The following NMT2 variants were observed in gnomAD, a reference collection of about 807,000 sequenced individuals.
NMT2 encodes the protein glycylpeptide N-tetradecanoyltransferase 2.
In NMT2, 35 loss-of-function variants were observed where a neutral mutation model predicts 65.4. That is an observed-to-expected ratio of 0.54 (90% CI 0.41 to 0.71). NMT2 has a LOEUF of 0.71. Ranked by LOEUF, NMT2 falls within the 30% of genes least tolerant of loss-of-function variation. The pLI is 0.00. For missense variants in NMT2, 489 were observed against 611.3 expected (o/e 0.80, Z 2.11); for synonymous variants, 226 against 231.8 (o/e 0.98, Z 0.23).
intron 1 of NMT2, among the ~76,000 whole-genome samples, chr10:15,153,897 C>T (rs1310833351): frequency 6.6e-6 from 1 of 152,082 alleles, no homozygotes; most frequent in Non-Finnish European, 1.5e-5. Flanking sequence ...TCGTGATCCA[C>T]CCGCCTCGCC....
chr10:15,168,489 C>A lies in NMT2; in HGVS notation c.110+14G>T. On this transcript the variant is annotated intron_variant, in intron 1 of 11. Transcript: ENST00000378165. ...CGCCCTGTCGCGCCCGGTGCGCCAG[C>A]GCGCCGCCCCTACCCTTTGGCGTGC... is the stretch of plus-strand genomic sequence containing the variant. The A allele has an allele frequency of 6.4e-7, 1 of 1,569,828 alleles. No individual in the cohort carries two copies. Among genetic ancestry groups the A allele is most frequent in the Non-Finnish European group, 8.6e-7 (1 of 1,158,962 alleles).
chr10:15,135,891 AAG>A (rs951450391), intron 2 of NMT2, among the ~76,000 whole-genome samples: 1 of 149,972 alleles, frequency 6.7e-6, no homozygotes, highest in Admixed American at 6.6e-5. Context: ...GGAGGGAAAG[AAG>A]AGAGAGAGAG....
rs909958051 is a variant in NMT2, at chr10:15,107,988, G to C, written c.*1207C>G. The C allele has an allele frequency of 1.2e-5, 12 of 985,616 alleles. No individual in the cohort carries two copies. In the East Asian group the frequency reaches 7.9e-4, roughly 65 times the overall value. The allele number at this position is 985,616 out of a possible 1,614,324, so 61.1% of individuals were successfully genotyped here. Reference sequence around the variant, plus strand: ...TTTTCATGATAAAATCAGCATAGAGGAGTATGTGCAATTTTGCATAAGTAA... The same window carrying C: ...TTTTCATGATAAAATCAGCATAGAGCAGTATGTGCAATTTTGCATAAGTAA... On this transcript the variant is annotated 3_prime_UTR_variant, in exon 12 of 12. Coordinates refer to ENST00000378165, the MANE Select transcript of NMT2 (RefSeq NM_004808.3).
chr10:15,107,462 T>C lies in NMT2; in HGVS notation c.*1733A>G. The C allele has an allele frequency of 1.0e-6, 1 of 985,402 alleles. No individual in the cohort carries two copies. Among genetic ancestry groups the C allele is most frequent in the Non-Finnish European group, 1.2e-6 (1 of 829,876 alleles). The allele number at this position is 985,402 out of a possible 1,614,324, so 61.0% of individuals were successfully genotyped here. A position where few individuals can be genotyped will look rare whatever the true frequency, so the allele number is the denominator to read the frequency against. ...TAAAAGCAGGGAAAAGTATCTACTT[T>C]TGTTTTTTGAGACGGAGTCTTGCAC... On this transcript the variant is annotated 3_prime_UTR_variant, in exon 12 of 12. Transcript: ENST00000378165.
chr10:15,145,949 C>A (rs1164311720), intron 1 of NMT2, among the ~76,000 whole-genome samples: 2 of 152,132 alleles, frequency 1.3e-5, no homozygotes, highest in African/African-American at 4.8e-5. Flanking sequence ...AAGGCAAATC[C>A]AGGCCCAAGA....
intron 3 of NMT2, among the ~76,000 whole-genome samples, chr10:15,134,273 C>G (rs1288277832): frequency 6.6e-6 from 1 of 152,204 alleles, no homozygotes; most frequent in East Asian, 1.9e-4. Context: ...AACCCAGGCT[C>G]TTCCCCATGG....
At chr10:15,141,243 G>T in intron 2 of NMT2, 179 bp downstream of exon 2, 2 of 865,184 alleles carry the variant, frequency 2.3e-6, no homozygotes, top group Non-Finnish European at 3.5e-6. Context: ...GTACCCCTTC[G>T]TTATTTGGGT....
In NMT2 at chr10:15,113,463, C is replaced by CAAAAAAAAAAAA. The variant is rs1169255963; in HGVS notation, c.1171-512_1171-501dup. ...CCAGCCTGGGCGACAGGATGAGACTCAAAAAAAAAAAAAAAAAAAAAAAAA... is the reference window on the plus strand; with the variant it reads ...CCAGCCTGGGCGACAGGATGAGACTCAAAAAAAAAAAAAAAAAAAAAAAAAAAAAAAAAAAAA... On this transcript the variant is annotated intron_variant, in intron 9 of 11. Coordinates refer to ENST00000378165, the MANE Select transcript of NMT2 (RefSeq NM_004808.3). Among the ~76,000 whole-genome samples the CAAAAAAAAAAAA allele has an allele frequency of 1.2e-3, 46 of 36,956 alleles. 1 individual carries two copies. Among genetic ancestry groups the CAAAAAAAAAAAA allele is most frequent in the Middle Eastern group, 0.02 (1 of 50 alleles). The allele number at this position is 36,956 out of a possible 152,430, so 24.2% of individuals were successfully genotyped here.
intron 1 of NMT2, among the ~76,000 whole-genome samples, chr10:15,158,188 C>T (rs1262051608): frequency 1.3e-5 from 2 of 151,946 alleles, no homozygotes; most frequent in Non-Finnish European, 2.9e-5. Flanking sequence ...TGGTGGCAGG[C>T]GCCTGTAATC....
chr10:15,137,108 C>A (rs1303849146), intron 2 of NMT2, among the ~76,000 whole-genome samples: 2 of 152,156 alleles, frequency 1.3e-5, no homozygotes, highest in African/African-American at 2.4e-5. Flanking sequence ...AGTTTATAAA[C>A]AGCAACTTTG....
At chr10:15,133,745 C>T (rs947820109) in intron 3 of NMT2, among the ~76,000 whole-genome samples, 2 of 152,078 alleles carry the variant, frequency 1.3e-5, no homozygotes, top group African/African-American at 2.4e-5. Flanking sequence ...CAACACAGTG[C>T]CCGGCTAATT....
At chr10:15,109,993 C>T (rs779435457) in intron 10 of NMT2, among the ~76,000 whole-genome samples, 154 bp from the exon 11 acceptor site, 1 of 152,180 alleles carries the variant, frequency 6.6e-6, no homozygotes, top group African/African-American at 2.4e-5. Flanking sequence ...AATTCAGGGC[C>T]GGATGCTGTG....
chr10:15,167,906 C>T (rs1468416459), intron 1 of NMT2, among the ~76,000 whole-genome samples: 4 of 152,330 alleles, frequency 2.6e-5, no homozygotes, highest in Non-Finnish European at 5.9e-5. Context: ...GGTGCAAAGC[C>T]CAGTATCCCC....
At chr10:15,139,348 C>T (rs779133781) in intron 2 of NMT2, among the ~76,000 whole-genome samples, 1 of 151,984 alleles carries the variant, frequency 6.6e-6, no homozygotes, top group African/African-American at 2.4e-5. Context: ...GACCAATACA[C>T]CTACCATATA....
downstream of NMT2, among the ~76,000 whole-genome samples, chr10:15,105,759 G>C (rs997853507): frequency 5.9e-5 from 9 of 152,150 alleles, no homozygotes; most frequent in Admixed American, 3.3e-4. Context: ...AAATCTACAA[G>C]AAACTATCCA....
chr10:15,119,996 C>T (rs946394152), intron 8 of NMT2, among the ~76,000 whole-genome samples: 2 of 152,152 alleles, frequency 1.3e-5, no homozygotes, highest in African/African-American at 4.8e-5. Flanking sequence ...GTGGGTTCGA[C>T]CAACCTTAGA....
intron 3 of NMT2, among the ~76,000 whole-genome samples, chr10:15,133,669 C>T (rs979692466): frequency 6.6e-6 from 1 of 152,174 alleles, no homozygotes; most frequent in African/African-American, 2.4e-5. Flanking sequence ...TCACTGAAGC[C>T]TTCAACTCCT....
At chr10:15,140,851 C>A in intron 2 of NMT2, 1 of 786,156 alleles carries the variant, frequency 1.3e-6, no homozygotes, top group South Asian at 1.6e-5. Flanking sequence ...CACCATCTGC[C>A]AACACGGGGC....
Position 15,108,415 on chromosome 10 carries a change from G to C in NMT2, c.*780C>G. ...TTGGCCAGAATGGTCTCGATCTCCT[G>C]ACCTCATGATCTGCCCACCTTGGCC... On this transcript the variant is annotated 3_prime_UTR_variant, in exon 12 of 12. Transcript: ENST00000378165. The C allele has an allele frequency of 1.5e-6, 1 of 677,168 alleles. No homozygotes were observed. 41.9% of individuals were successfully genotyped at this position (677,168 alleles called of 1,614,324 possible). A position where few individuals can be genotyped will look rare whatever the true frequency, so the allele number is the denominator to read the frequency against.
Sources: gnomAD v4.1 joint callset for allele counts (sites outside exome capture counted in the v4.1 genomes callset) on GRCh38, gnomAD v4.1.1 for gene constraint, MANE v1.5 for transcripts, NCBI Gene and HGNC (gene_info 2026-07-23, HGNC 2026-07-21) for gene names.